COL19A1: variants seen among roughly 807,000 people sequenced by gnomAD.
COL19A1 encodes the protein collagen alpha-1(XIX) chain.
In COL19A1, 159 loss-of-function variants were observed where a neutral mutation model predicts 190.2. The observed-to-expected ratio is 0.84, with a 90% CI of 0.73 to 0.95. The LOEUF (loss-of-function observed/expected upper bound fraction) is 0.95, where lower values mean the gene tolerates loss of function less well. COL19A1 is among the 40% of genes least tolerant of loss of function. The pLI is 0.00. For synonymous variants in COL19A1, 509 were observed against 458.9 expected, an observed-to-expected ratio of 1.11 and a Z score of -1.39; for missense variants, 1,418 against 1,431.9, an observed-to-expected ratio of 0.99 and a Z score of 0.16.
rs1432330176 is a variant in COL19A1 at position 70,176,649 on chromosome 6, A to G, written c.2667+85A>G. 5.3e-6 allele frequency: 7 copies of G among 1,327,508 alleles called. No individual in the cohort carries two copies. The East Asian group carries it at 1.2e-4, about 23-fold the overall frequency. 82.2% of individuals were successfully genotyped at this position (1,327,508 alleles called of 1,614,324 possible). ...CCTGTGGCCAGGGATCAAGACAGGC[A>G]GGAGAGCATACCATAACTCCCATGG... is the stretch of plus-strand genomic sequence containing the variant. On this transcript the variant is annotated intron_variant, in intron 42 of 50. Coordinates refer to ENST00000620364, the MANE Select transcript of COL19A1 (RefSeq NM_001858.6).
At chr6:70,131,893 A>G (rs1472310205) in intron 18 of COL19A1, among the ~76,000 whole-genome samples, 5 of 151,990 alleles carry the variant, frequency 3.3e-5, no homozygotes, top group Admixed American at 1.3e-4. Flanking sequence ...TCAAACTCTA[A>G]GGACCTTTTC....
intron 2 of COL19A1, chr6:69,890,986 A>G: frequency 3.8e-6 from 1 of 264,128 alleles, no homozygotes; most frequent in Non-Finnish European, 7.8e-6. Flanking sequence ...GAGCTCCTTC[A>G]GAGGCCTATC....
At chr6:69,930,864 C>T (rs112021407) in intron 6 of COL19A1, among the ~76,000 whole-genome samples, 2,336 of 152,090 alleles carry the variant, frequency 0.015, 63 homozygotes, top group African/African-American at 0.046. Flanking sequence ...AAGAATATCA[C>T]GTGAATCCTT....
At chr6:69,874,172 C>G (rs954438196) in intron 1 of COL19A1, among the ~76,000 whole-genome samples, 2 of 152,024 alleles carry the variant, frequency 1.3e-5, no homozygotes, top group Admixed American at 6.6e-5. Context: ...CAAGAAGAAG[C>G]CTGAGAACCG....
intron 34 of COL19A1, among the ~76,000 whole-genome samples, chr6:70,159,898 C>T (rs1787685659): frequency 6.6e-6 from 1 of 152,106 alleles, no homozygotes; most frequent in African/African-American, 2.4e-5. Flanking sequence ...ATCATTCAGT[C>T]TAGAACTTGA....
chr6:70,059,933 A>T, intron 14 of COL19A1: 1 of 339,054 alleles, frequency 2.9e-6, no homozygotes, highest in Admixed American at 4.3e-5. Context: ...AGAAGAAAAA[A>T]AATCCACAGG....
At chr6:70,096,349 C>T (rs554711877) in intron 15 of COL19A1, among the ~76,000 whole-genome samples, 3 of 152,140 alleles carry the variant, frequency 2.0e-5, no homozygotes, top group South Asian at 2.1e-4. Flanking sequence ...CCTCCTCGGC[C>T]TCCCAAAGTG....
At chr6:69,960,632 T>C (rs1209684381) in intron 10 of COL19A1, among the ~76,000 whole-genome samples, 4 of 144,272 alleles carry the variant, frequency 2.8e-5, no homozygotes, top group African/African-American at 1.0e-4. Context: ...ACTTTTTTTT[T>C]TTTTTTTTTT....
rs1766646126 is a variant in COL19A1, at chr6:70,188,188, C to T, written c.2970C>T (p.Ser990=). Residue 990 remains serine (S), a synonymous_variant, in exon 47 of 51, where the codon TCC becomes TCT. Coordinates refer to ENST00000620364, the MANE Select transcript of COL19A1 (RefSeq NM_001858.6). ...GPMGPPGNKG[S]MGSPGHQGPP... is the part of the protein sequence containing the mutation. ...TGGGTCCACCAGGAAACAAGGGCTCCATGGGATCCCCTGGCCACCAAGGCC... is the reference window on the plus strand; with the variant it reads ...TGGGTCCACCAGGAAACAAGGGCTCTATGGGATCCCCTGGCCACCAAGGCC... The T allele has an allele frequency of 2.5e-6, 4 of 1,613,300 alleles. No individual in the cohort carries two copies. Among genetic ancestry groups the T allele is most frequent in the African/African-American group, 2.7e-5 (2 of 74,926 alleles).
At chr6:70,032,407 T>C (rs553229843) in intron 12 of COL19A1, among the ~76,000 whole-genome samples, 26 of 152,188 alleles carry the variant, frequency 1.7e-4, no homozygotes, top group Non-Finnish European at 3.4e-4. Flanking sequence ...TTCATTAATT[T>C]CTTGTTCTTT....
At position 70,173,650 on chromosome 6, in the gene COL19A1, C is replaced by T. The variant is rs182708759; in HGVS notation, c.2622+1633C>T. Reference sequence around the variant, plus strand: ...CTTGACCAGAGAAATTATTATTTCACTATATGGTAGGAACAACCGTGGACT... The same window carrying T: ...CTTGACCAGAGAAATTATTATTTCATTATATGGTAGGAACAACCGTGGACT... On this transcript the variant is annotated intron_variant, in intron 41 of 50. Transcript: ENST00000620364. Among the ~76,000 whole-genome samples, 847 of 152,036 alleles carry T rather than the reference C, an allele frequency of 5.6e-3. 12 individuals are homozygous for T. The highest frequency in any genetic ancestry group is 0.019 in the African/African-American group (802 of 41,432).
At chr6:69,999,281 C>G (rs1777105204) in intron 11 of COL19A1, among the ~76,000 whole-genome samples, 1 of 151,576 alleles carries the variant, frequency 6.6e-6, no homozygotes, top group African/African-American at 2.4e-5. Context: ...CCTGTAATCC[C>G]AGCACTTTGG....
chr6:69,983,071 G>C (rs966044629), intron 11 of COL19A1, among the ~76,000 whole-genome samples: 10 of 151,602 alleles, frequency 6.6e-5, no homozygotes, highest in African/African-American at 2.4e-4. Flanking sequence ...CACACAACTT[G>C]CTGAGATTTT....
chr6:69,993,047 A>G (rs942635383), intron 11 of COL19A1, among the ~76,000 whole-genome samples: 1 of 152,126 alleles, frequency 6.6e-6, no homozygotes, highest in African/African-American at 2.4e-5. Flanking sequence ...CTCAAGGAGA[A>G]TGCTTCCAGC....
intron 35 of COL19A1, 140 bp downstream of exon 35, chr6:70,162,093 C>A: frequency 6.0e-6 from 4 of 670,064 alleles, no homozygotes; most frequent in South Asian, 3.2e-5. Context: ...GTAGCCTCAT[C>A]CAAGCTCTCA....
In COL19A1 at chr6:70,190,398, A is replaced by C; in HGVS notation, c.3094+17A>C. ...TTTTTGAAGGTTAGATTTTCTTAATAACATTTTCGAATTTTTCACTGATTC... is the reference window on the plus strand; with the variant it reads ...TTTTTGAAGGTTAGATTTTCTTAATCACATTTTCGAATTTTTCACTGATTC... On this transcript the variant is annotated intron_variant, in intron 48 of 50. Transcript: ENST00000620364. The C allele has an allele frequency of 6.5e-7, 1 of 1,549,556 alleles. No homozygotes were observed.
chr6:70,179,543 A>C (rs1048312908), intron 42 of COL19A1, among the ~76,000 whole-genome samples: 1 of 152,200 alleles, frequency 6.6e-6, no homozygotes, highest in Non-Finnish European at 1.5e-5. Context: ...TCAACAAAAC[A>C]TGGCTTTTCA....
chr6:70,060,374 C>T (rs1365111229), intron 14 of COL19A1, among the ~76,000 whole-genome samples: 1 of 152,110 alleles, frequency 6.6e-6, no homozygotes, highest in Non-Finnish European at 1.5e-5. Context: ...GTATCCTCTA[C>T]AGCAGGGGTC....
At chr6:69,961,736 C>T (rs1209254220) in intron 10 of COL19A1, among the ~76,000 whole-genome samples, 1 of 151,720 alleles carries the variant, frequency 6.6e-6, no homozygotes, top group Non-Finnish European at 1.5e-5. Context: ...ATTTAATCAT[C>T]TAATTATATT....
Sources: gnomAD v4.1 joint callset for allele counts (sites outside exome capture counted in the v4.1 genomes callset) on GRCh38, gnomAD v4.1.1 for gene constraint, MANE v1.5 for transcripts, NCBI Gene and HGNC (gene_info 2026-07-23, HGNC 2026-07-21) for gene names.